The following CD2AP variants were observed in gnomAD, a reference collection of about 807,000 sequenced individuals.
The protein encoded by CD2AP is CD2-associated protein.
In CD2AP, 46 loss-of-function variants were observed where a neutral mutation model predicts 85.1. The ratio of observed to expected loss-of-function variants is 0.54; its 90% confidence interval spans 0.43 to 0.69. The LOEUF is 0.69. Ranked by LOEUF, CD2AP falls within the 30% of genes least tolerant of loss-of-function variation. The pLI is 0.00. For missense variants in CD2AP, 769 were observed against 729.5 expected, an observed-to-expected ratio of 1.05 and a Z score of -0.62; for synonymous variants, 255 against 252.9, an observed-to-expected ratio of 1.01 and a Z score of -0.08.
In CD2AP at chr6:47,563,998, T is replaced by C. The variant is rs139126337; in HGVS notation, c.541+9232T>C. On this transcript the variant is annotated intron_variant, in intron 5 of 17. Transcript: ENST00000359314. ...TGGAGATGCTGATTGTATTGAAAGA[T>C]AGAAAAATCATTGAGGTAGGAATCA... Among the ~76,000 whole-genome samples the C allele has an allele frequency of 5.2e-3, 787 of 152,316 alleles. 5 individuals carry two copies. The highest frequency in any genetic ancestry group is 0.02 in the Middle Eastern group (6 of 294).
intron 6 of CD2AP, among the ~76,000 whole-genome samples, chr6:47,576,258 A>T (rs1258932287): frequency 6.6e-6 from 1 of 152,104 alleles, no homozygotes; most frequent in Admixed American, 6.6e-5. Context: ...TATTTTAGAG[A>T]TTCTAAAATT....
At chr6:47,589,385 C>CACACACACACACACACAAATGTATAT (rs1165319734) in intron 11 of CD2AP, among the ~76,000 whole-genome samples, 6 of 151,414 alleles carry the variant, frequency 4.0e-5, no homozygotes, top group Non-Finnish European at 8.9e-5. Context: ...AATATACACA[C>CACACACACACACACACAAATGTATAT]ACACACACAA....
chr6:47,542,442 A>G (rs1290363499), intron 3 of CD2AP, among the ~76,000 whole-genome samples: 3 of 152,190 alleles, frequency 2.0e-5, no homozygotes, highest in Non-Finnish European at 4.4e-5. Context: ...TCATGTTGAA[A>G]TTTAATTTCC....
At chr6:47,492,238 GA>G (rs2113968409) in intron 1 of CD2AP, among the ~76,000 whole-genome samples, 1 of 152,012 alleles carries the variant, frequency 6.6e-6, no homozygotes, top group Admixed American at 6.5e-5. Flanking sequence ...TCACAGGCTG[GA>G]AAGTCCAGCA....
chr6:47,524,854 G>A (rs751171358), intron 2 of CD2AP, among the ~76,000 whole-genome samples: 27 of 152,230 alleles, frequency 1.8e-4, no homozygotes, highest in Middle Eastern at 3.4e-3. Context: ...AAGTAGGTCT[G>A]CTATATCTGT....
At chr6:47,553,095 G>GT (rs1767571345) in intron 4 of CD2AP, among the ~76,000 whole-genome samples, 1 of 151,078 alleles carries the variant, frequency 6.6e-6, no homozygotes, top group African/African-American at 2.4e-5. Flanking sequence ...TCTGCTTATT[G>GT]ATTTTTTCTT....
Position 47,533,854 on chromosome 6 carries a change from C to T in CD2AP, c.319+99C>T, listed in dbSNP as rs553889515. The T allele has an allele frequency of 5.4e-5, 66 of 1,214,464 alleles. No individual in the cohort carries two copies. In the South Asian group the frequency reaches 8.4e-4, roughly 15 times the overall value. The allele number at this position is 1,214,464 out of a possible 1,614,324, so 75.2% of individuals were successfully genotyped here. On this transcript the variant is annotated intron_variant, in intron 3 of 17. Transcript: ENST00000359314. The stretch of plus-strand genomic sequence containing the variant: ...AAAAATTAGTTCAGTCTTTTGTAGA[C>T]AACTACAGTAACTTCCTGCAAAGTC...
chr6:47,505,714 G>A (rs1766135559), intron 2 of CD2AP, among the ~76,000 whole-genome samples: 1 of 73,454 alleles, frequency 1.4e-5, no homozygotes, highest in Non-Finnish European at 3.4e-5. Flanking sequence ...TGGCTGGCCG[G>A]GCTGAGGGGC....
chr6:47,528,970 G>A (rs758701902), intron 2 of CD2AP, among the ~76,000 whole-genome samples: 29 of 152,036 alleles, frequency 1.9e-4, no homozygotes, highest in South Asian at 6.2e-4. Flanking sequence ...CTCTTGATAC[G>A]TTTGCTTTCT....
chr6:47,524,518 A>G (rs536688446), intron 2 of CD2AP, among the ~76,000 whole-genome samples: 1 of 152,344 alleles, frequency 6.6e-6, no homozygotes, highest in Non-Finnish European at 1.5e-5. Context: ...ATTAGGAAAA[A>G]TGTGACCATT....
At chr6:47,621,102 A>C (rs1250467889) in intron 17 of CD2AP, among the ~76,000 whole-genome samples, 1 of 152,184 alleles carries the variant, frequency 6.6e-6, no homozygotes, top group Non-Finnish European at 1.5e-5. Context: ...TGGTGAGAGC[A>C]GACATCCTTG....
chr6:47,622,561 T>C (rs929017680), intron 17 of CD2AP, among the ~76,000 whole-genome samples: 1 of 152,128 alleles, frequency 6.6e-6, no homozygotes, highest in African/African-American at 2.4e-5. Context: ...CTCTCTAAAT[T>C]GAGTCAGATC....
At position 47,554,561 on chromosome 6, in the gene CD2AP, T is replaced by G. The variant is rs1767624053; in HGVS notation, c.421-85T>G. 2.1e-6 allele frequency: 3 copies of G among 1,435,954 alleles called. No homozygotes were observed. The Admixed American group carries it at 5.2e-5, about 25-fold the overall frequency. 89.0% of individuals were successfully genotyped at this position (1,435,954 alleles called of 1,614,324 possible). ...TCATAGTGCTAATTTTGTGCCTGTT[T>G]GCTTTTGCAGCTTAATTTTCCCATA... On this transcript the variant is annotated intron_variant, in intron 4 of 17. Transcript: ENST00000359314.
intron 5 of CD2AP, among the ~76,000 whole-genome samples, chr6:47,560,230 ATCTTTAT>A (rs1225707745): frequency 6.6e-6 from 1 of 152,144 alleles, no homozygotes; most frequent in Non-Finnish European, 1.5e-5. Context: ...TCTGTATTTT[ATCTTTAT>A]TCTTTAGTAT....
At chr6:47,543,179 G>GAAA (rs1301537174) in intron 3 of CD2AP, among the ~76,000 whole-genome samples, 2 of 127,282 alleles carry the variant, frequency 1.6e-5, no homozygotes, top group African/African-American at 2.8e-5. Context: ...AAAAGAAAAA[G>GAAA]AAAAAAGAAA....
At chr6:47,605,151 G>T (rs985532691) in intron 13 of CD2AP, among the ~76,000 whole-genome samples, 1 of 151,980 alleles carries the variant, frequency 6.6e-6, no homozygotes, top group African/African-American at 2.4e-5. Flanking sequence ...GTAATGTGAA[G>T]AATTAATACA....
intron 13 of CD2AP, among the ~76,000 whole-genome samples, chr6:47,605,189 T>G (rs566881040): frequency 1.3e-5 from 2 of 152,182 alleles, no homozygotes; most frequent in African/African-American, 4.8e-5. Flanking sequence ...CAAAGGAATC[T>G]GCTATTAGTT....
At chr6:47,485,791 A>G (rs1443308267) in intron 1 of CD2AP, among the ~76,000 whole-genome samples, 2 of 152,136 alleles carry the variant, frequency 1.3e-5, no homozygotes, top group African/African-American at 4.8e-5. Flanking sequence ...TTTATGTTTA[A>G]ATATACAGAT....
At chr6:47,478,355 G>C in intron 1 of CD2AP, 107 bp downstream of exon 1, 1 of 1,276,268 alleles carries the variant, frequency 7.8e-7, no homozygotes, top group Admixed American at 2.0e-5. Flanking sequence ...GCCCCTGAGC[G>C]GCAGCACCCC....
Sources: gnomAD v4.1 joint callset for allele counts (sites outside exome capture counted in the v4.1 genomes callset) on GRCh38, gnomAD v4.1.1 for gene constraint, MANE v1.5 for transcripts, NCBI Gene and HGNC (gene_info 2026-07-23, HGNC 2026-07-21) for gene names.